Variants in GNAO1 observed in about 807,000 individuals in gnomAD.
The protein encoded by GNAO1 is G protein subunit alpha o1, also known as guanine nucleotide-binding protein G(o) subunit alpha.
For synonymous variants in GNAO1, 164 were observed against 180.7 expected, an observed-to-expected ratio of 0.91 and a Z score of 0.74; for missense variants, 166 against 478.7, an observed-to-expected ratio of 0.35 and a Z score of 6.10.
intron 2 of GNAO1, among the ~76,000 whole-genome samples, chr16:56,206,277 G>A (rs577464661): frequency 4.1e-5 from 6 of 146,066 alleles, no homozygotes; most frequent in African/African-American, 1.0e-4. Flanking sequence ...CCGAGATCAC[G>A]CCATTGCACT....
chr16:56,290,128 A>G (rs1226639968), intron 3 of GNAO1, among the ~76,000 whole-genome samples: 1 of 152,056 alleles, frequency 6.6e-6, no homozygotes, highest in East Asian at 1.9e-4. Flanking sequence ...TCTCCTCCAT[A>G]GGGGACTTCT....
chr16:56,320,302 C>T (rs1371158992), intron 3 of GNAO1, among the ~76,000 whole-genome samples: 2 of 152,184 alleles, frequency 1.3e-5, no homozygotes, highest in Admixed American at 6.5e-5. Flanking sequence ...GACGTGGAGC[C>T]GTGTATACTC....
intron 3 of GNAO1, among the ~76,000 whole-genome samples, chr16:56,313,732 T>C (rs1398493785): frequency 6.6e-6 from 1 of 152,208 alleles, no homozygotes; most frequent in Non-Finnish European, 1.5e-5. Context: ...ACCCTTCTTT[T>C]TTTACTTTTT....
intron 2 of GNAO1, among the ~76,000 whole-genome samples, chr16:56,214,167 G>A (rs140805640): frequency 6.6e-6 from 1 of 152,134 alleles, no homozygotes; most frequent in Non-Finnish European, 1.5e-5. Flanking sequence ...GAACATGTTG[G>A]GCTGCCTTGC....
At chr16:56,271,523 G>T in intron 2 of GNAO1, among the ~76,000 whole-genome samples, 1 of 152,146 alleles carries the variant, frequency 6.6e-6, no homozygotes, top group East Asian at 1.9e-4. Flanking sequence ...GCGTGATCTT[G>T]GTTCACTGCC....
At chr16:56,195,386 A>G (rs2036223682) in intron 2 of GNAO1, among the ~76,000 whole-genome samples, 1 of 152,154 alleles carries the variant, frequency 6.6e-6, no homozygotes, top group African/African-American at 2.4e-5. Flanking sequence ...TGTTTTGTTA[A>G]CCACAAAATG....
At chr16:56,218,518 C>T (rs531507906) in intron 2 of GNAO1, among the ~76,000 whole-genome samples, 36 of 152,250 alleles carry the variant, frequency 2.4e-4, no homozygotes, top group African/African-American at 8.7e-4. Flanking sequence ...ATACCATCAC[C>T]GTGATACTTG....
intron 6 of GNAO1, among the ~76,000 whole-genome samples, chr16:56,341,722 G>A (rs1388739939): frequency 6.6e-6 from 1 of 152,212 alleles, no homozygotes; most frequent in Non-Finnish European, 1.5e-5. Flanking sequence ...CAGCCAGGAG[G>A]GCAGCATGAC....
In GNAO1 at chr16:56,206,973, T is replaced by C. The variant is rs181469323; in HGVS notation, c.161+14357T>C. ...TTTCCTTCAAAACTGGTTTGAAACC[T>C]CAGTGTGGATAGAAACCATCTGCTT... On this transcript the variant is annotated intron_variant, in intron 2 of 8. Coordinates refer to ENST00000262493, the MANE Select transcript of GNAO1 (RefSeq NM_020988.3). Among the ~76,000 whole-genome samples the C allele has an allele frequency of 1.6e-3, 242 of 152,346 alleles. 1 individual carries two copies. The East Asian group carries it at 0.022, about 14-fold the overall frequency.
intron 3 of GNAO1, among the ~76,000 whole-genome samples, chr16:56,284,675 G>A (rs1596841550): frequency 6.6e-6 from 1 of 152,148 alleles, no homozygotes; most frequent in African/African-American, 2.4e-5. Context: ...TACCCTTGGG[G>A]CCAGACAGCA....
chr16:56,353,894 C>G (rs762877641), intron 7 of GNAO1, among the ~76,000 whole-genome samples: 16 of 152,240 alleles, frequency 1.1e-4, no homozygotes, highest in Non-Finnish European at 1.9e-4. Flanking sequence ...CCCCTTGCCC[C>G]TTGTACACCC....
In GNAO1 at chr16:56,334,571, G is replaced by A. The variant is rs56938128; in HGVS notation, c.465-158G>A. 7.7e-3 allele frequency among the ~76,000 whole-genome samples: 1,177 copies of A among 152,200 alleles called. 13 individuals are homozygous for A. Among genetic ancestry groups the A allele is most frequent in the African/African-American group, 0.027 (1,103 of 41,518 alleles). ...ACCCCTAAGACCCACTTCCTCAGTC[G>A]CCCCCACTCCCTATGGCCTGGAATG... On this transcript the variant is annotated intron_variant, in intron 4 of 8. Transcript: ENST00000262493.
In GNAO1 at chr16:56,354,955, A is replaced by G. The variant is rs1383543515; in HGVS notation, c.967A>G (p.Met323Val). 6.2e-7 allele frequency: 1 copy of G among 1,613,288 alleles called. No homozygotes were observed. The highest frequency in any genetic ancestry group is 8.5e-7 in the Non-Finnish European group (1 of 1,179,370). Residue 323 changes from methionine to valine, a missense_variant, in exon 8 of 9, where the codon ATG (methionine) becomes GTG (valine). Coordinates refer to ENST00000262493, the MANE Select transcript of GNAO1 (RefSeq NM_020988.3). The surrounding 1 kb of genome is among the most constrained non-coding windows in gnomAD (Gnocchi z 4.3). ...ACCCAACAAAGAAATATATTGTCAC[A>G]TGACTTGTGCCACAGACACGAATAA... Reference protein sequence around the residue: ...RSPNKEIYCHMTCATDTNNIQ... With the variant: ...RSPNKEIYCHVTCATDTNNIQ...
In GNAO1 at chr16:56,354,429, A is replaced by C. The variant is rs1289682652; in HGVS notation, c.878-437A>C. Among the ~76,000 whole-genome samples, 2 of 152,148 alleles carry C rather than the reference A, an allele frequency of 1.3e-5. No individual in the cohort carries two copies. Among genetic ancestry groups the C allele is most frequent in the African/African-American group, 2.4e-5 (1 of 41,430 alleles). ...GGTGGCTCACGTCTGTAATCCCAGCACTTTGGGAGGCCGAGGCAGGTGGAT... is the reference window on the plus strand; with the variant it reads ...GGTGGCTCACGTCTGTAATCCCAGCCCTTTGGGAGGCCGAGGCAGGTGGAT... On this transcript the variant is annotated intron_variant, in intron 7 of 8. Transcript: ENST00000262493. This position sits in a 1 kb window ranked among gnomAD's most constrained non-coding sequence, Gnocchi z 4.3.
At chr16:56,238,970 A>G (rs954480611) in intron 2 of GNAO1, among the ~76,000 whole-genome samples, 3 of 152,224 alleles carry the variant, frequency 2.0e-5, no homozygotes, top group Non-Finnish European at 4.4e-5. Context: ...CACTCTGAAC[A>G]TTTTCCCATA....
intron 6 of GNAO1, chr16:56,347,959 C>T: frequency 1.0e-6 from 1 of 972,300 alleles, no homozygotes; most frequent in Non-Finnish European, 1.2e-6. Context: ...CACGCACCCC[C>T]CTCCCCCATC....
chr16:56,257,906 G>A (rs1339853854), intron 2 of GNAO1, among the ~76,000 whole-genome samples: 1 of 152,226 alleles, frequency 6.6e-6, no homozygotes, highest in Non-Finnish European at 1.5e-5. Flanking sequence ...GCCCACGGCA[G>A]GCAGCCAAAC....
intron 3 of GNAO1, among the ~76,000 whole-genome samples, chr16:56,325,520 C>A (rs1232126576): frequency 6.6e-6 from 1 of 152,106 alleles, no homozygotes; most frequent in African/African-American, 2.4e-5. Context: ...ATAAAATATC[C>A]CAATTCTGGA....
intron 2 of GNAO1, among the ~76,000 whole-genome samples, chr16:56,259,302 C>T (rs1290042653): frequency 6.6e-6 from 1 of 152,230 alleles, no homozygotes; most frequent in African/African-American, 2.4e-5. Context: ...AATGCCAGGC[C>T]TTGCACTCAG....
Sources: gnomAD v4.1 joint callset for allele counts (sites outside exome capture counted in the v4.1 genomes callset) on GRCh38, gnomAD v4.1.1 for gene constraint, Gnocchi (gnomAD v3.1) non-coding constraint, MANE v1.5 for transcripts, NCBI Gene and HGNC (gene_info 2026-07-23, HGNC 2026-07-21) for gene names.